CIB4: variants seen among roughly 807,000 people sequenced by gnomAD.
The protein encoded by CIB4 is calcium and integrin-binding family member 4.
In CIB4, 25 loss-of-function variants were observed where a neutral mutation model predicts 25.8. The ratio of observed to expected loss-of-function variants is 0.97; its 90% CI spans 0.71 to 1.35. CIB4 has a LOEUF of 1.35. CIB4 is among the 40% of genes most tolerant of loss of function. CIB4 has a pLI of 0.00. For missense variants in CIB4, 235 were observed against 228.2 expected (o/e 1.03, Z -0.19); for synonymous variants, 75 against 81.4 (o/e 0.92, Z 0.42).
chr2:26,605,126 C>A (rs1436054882), intron 3 of CIB4, among the ~76,000 whole-genome samples: 1 of 152,004 alleles, frequency 6.6e-6, no homozygotes, highest in Admixed American at 6.5e-5. Flanking sequence ...TAAAAAGATT[C>A]TTGAAAACCC....
intron 3 of CIB4, among the ~76,000 whole-genome samples, chr2:26,602,857 C>T (rs549818643): frequency 6.6e-6 from 1 of 152,124 alleles, no homozygotes; most frequent in African/African-American, 2.4e-5. Context: ...GACAGGCATT[C>T]GAAATCAGCC....
At chr2:26,639,640 G>A (rs951982933) in intron 2 of CIB4, among the ~76,000 whole-genome samples, 1 of 152,030 alleles carries the variant, frequency 6.6e-6, no homozygotes, top group Non-Finnish European at 1.5e-5. Flanking sequence ...AATGTCACTG[G>A]GTGACAGCCC....
chr2:26,581,226 A>T lies in CIB4; in HGVS notation c.*137T>A. 2 of 692,180 alleles carry T rather than the reference A, an allele frequency of 2.9e-6. No individual in the cohort carries two copies. Among genetic ancestry groups the T allele is most frequent in the Admixed American group, 5.3e-5 (2 of 37,892 alleles). 42.9% of individuals were successfully genotyped at this position (692,180 alleles called of 1,614,324 possible). A position where few individuals can be genotyped will look rare whatever the true frequency, so the allele number is the denominator to read the frequency against. ...GGGCTAAGGAAAAGCTTTTTCTTTT[A>T]TCTAATAAACAATATTCTAGAGGTG... On this transcript the variant is annotated 3_prime_UTR_variant, in exon 7 of 7. Transcript: ENST00000288861.
rs149018879 is a variant in CIB4, at chr2:26,602,146, T to C, written c.187-6829A>G. On this transcript the variant is annotated intron_variant, in intron 3 of 6. Coordinates refer to ENST00000288861, the MANE Select transcript of CIB4 (RefSeq NM_001029881.3). ...GCAAATCAAAGACAATATGGGATGATAGAGAATCCAGGATGGAATACAGGT... is the reference window on the plus strand; with the variant it reads ...GCAAATCAAAGACAATATGGGATGACAGAGAATCCAGGATGGAATACAGGT... Among the ~76,000 whole-genome samples, 278 of 152,274 alleles carry C rather than the reference T, an allele frequency of 1.8e-3. 2 individuals are homozygous for C. The highest frequency in any genetic ancestry group is 6.2e-3 in the African/African-American group (259 of 41,548).
At chr2:26,581,974 G>A (rs765192337) in intron 6 of CIB4, among the ~76,000 whole-genome samples, 14 of 152,212 alleles carry the variant, frequency 9.2e-5, no homozygotes, top group Middle Eastern at 3.2e-3. Flanking sequence ...CAGGGAGGCC[G>A]TGCATGGTCT....
intron 4 of CIB4, among the ~76,000 whole-genome samples, chr2:26,586,336 G>A (rs1003827553): frequency 6.6e-6 from 1 of 152,064 alleles, no homozygotes; most frequent in Non-Finnish European, 1.5e-5. Context: ...CCCCTCCTCG[G>A]GACACTCTCA....
intron 2 of CIB4, among the ~76,000 whole-genome samples, chr2:26,638,892 C>T (rs1669582810): frequency 6.6e-6 from 1 of 151,562 alleles, no homozygotes; most frequent in South Asian, 2.1e-4. Flanking sequence ...GCACAGGTTG[C>T]AGTGAGCCAA....
chr2:26,605,830 G>A (rs780654199), intron 3 of CIB4, among the ~76,000 whole-genome samples: 3 of 152,192 alleles, frequency 2.0e-5, no homozygotes, highest in Non-Finnish European at 4.4e-5. Context: ...AAAGCAACTA[G>A]CCAAACGAAG....
intron 3 of CIB4, among the ~76,000 whole-genome samples, chr2:26,604,032 A>G (rs1668843806): frequency 6.6e-6 from 1 of 150,602 alleles, no homozygotes; most frequent in Admixed American, 6.6e-5. Flanking sequence ...AAGAAATATG[A>G]AGAAAACTAC....
intron 4 of CIB4, among the ~76,000 whole-genome samples, chr2:26,588,140 C>T (rs1050196472): frequency 1.3e-5 from 2 of 152,230 alleles, no homozygotes; most frequent in Admixed American, 1.3e-4. Flanking sequence ...GCCTGGAGAC[C>T]GTGGACAGCT....
intron 3 of CIB4, among the ~76,000 whole-genome samples, chr2:26,615,718 G>A (rs912678686): frequency 6.6e-6 from 1 of 152,252 alleles, no homozygotes; most frequent in East Asian, 1.9e-4. Context: ...AGGTGGCAGC[G>A]GCAAGGCCGA....
intron 3 of CIB4, 30 bp downstream of exon 3, chr2:26,629,379 GC>G: frequency 7.1e-7 from 1 of 1,413,774 alleles, no homozygotes. Context: ...CACTGATGCT[GC>G]CCTTGCCCCA....
intron 2 of CIB4, among the ~76,000 whole-genome samples, chr2:26,639,817 C>A (rs1669601889): frequency 6.6e-6 from 1 of 151,948 alleles, no homozygotes; most frequent in Admixed American, 6.6e-5. Context: ...TGAGAGGGAA[C>A]CTTCCCCCAC....
intron 4 of CIB4, among the ~76,000 whole-genome samples, chr2:26,586,981 C>T (rs1041912119): frequency 6.6e-6 from 1 of 152,068 alleles, no homozygotes; most frequent in Non-Finnish European, 1.5e-5. Flanking sequence ...GGATCCCTGA[C>T]ACTGAGAGCT....
intron 3 of CIB4, among the ~76,000 whole-genome samples, chr2:26,622,812 A>G (rs1364103242): frequency 2.6e-5 from 4 of 152,006 alleles, no homozygotes; most frequent in Admixed American, 2.0e-4. Flanking sequence ...GAGAAACCCT[A>G]TCTCTACTAA....
chr2:26,589,452 G>C (rs1668545005), intron 4 of CIB4, among the ~76,000 whole-genome samples: 1 of 152,072 alleles, frequency 6.6e-6, no homozygotes, highest in Non-Finnish European at 1.5e-5. Context: ...CTCCTGAGTA[G>C]CTGGGACTAC....
intron 4 of CIB4, among the ~76,000 whole-genome samples, chr2:26,588,978 T>TTTATTCTTCTTC (rs1668508042): frequency 1.4e-5 from 1 of 69,890 alleles, no homozygotes. Flanking sequence ...CCGCTTCTTC[T>TTTATTCTTCTTC]TTCTTCTTCT....
Position 26,640,532 on chromosome 2 carries a change from C to G in CIB4, c.89+1G>C. On this transcript the variant is annotated splice_donor_variant, in intron 2 of 6. Transcript: ENST00000288861. LOFTEE classifies it high-confidence loss of function. The stretch of plus-strand genomic sequence containing the variant: ...GAAAGAGGGGCGGGGCTTCTACTCA[C>G]CACAGAATTTCATTTCTGGTCAGGA... 1.2e-6 allele frequency: 2 copies of G among 1,613,382 alleles called. No homozygotes were observed. Among genetic ancestry groups the G allele is most frequent in the East Asian group, 4.5e-5 (2 of 44,790 alleles).
intron 3 of CIB4, among the ~76,000 whole-genome samples, chr2:26,615,895 G>T (rs1442106952): frequency 6.6e-6 from 1 of 152,250 alleles, no homozygotes; most frequent in Non-Finnish European, 1.5e-5. Context: ...TGATGAAGTT[G>T]TCAGAAAAAG....
Sources: allele counts gnomAD v4.1 joint callset (sites outside exome capture counted in the v4.1 genomes callset), GRCh38; gene constraint gnomAD v4.1.1; transcripts MANE v1.5; gene names NCBI Gene and HGNC (gene_info 2026-07-23, HGNC 2026-07-21).